The following XG variants were observed in gnomAD, a reference collection of about 807,000 sequenced individuals.
XG encodes glycoprotein Xg.
XG carries 24 observed loss-of-function variants against 25.7 expected under a neutral mutation model. The ratio of observed to expected loss-of-function variants is 0.93; its 90% CI spans 0.68 to 1.31. XG has a LOEUF of 1.31. Among genes scored for constraint, XG ranks in the 40% most tolerant of loss-of-function variants. The probability of loss-of-function intolerance (pLI) is 0.00; values close to 1 mark genes in which losing one functional copy is unlikely to be tolerated. For synonymous variants in XG, 77 were observed against 69.2 expected (o/e 1.11, Z -0.56); for missense variants, 181 against 187.6 (o/e 0.96, Z 0.21).
intron 5 of XG, among the ~76,000 whole-genome samples, chrX:2,793,094 G>C (rs1377195209): frequency 9.1e-6 from 1 of 109,609 alleles, no homozygotes; most frequent in African/African-American, 3.3e-5. Context: ...TAGAGACAGG[G>C]GGTCTCACTA....
In XG at chrX:2,782,098, C is replaced by G. The variant is rs145847321; in HGVS notation, c.160C>G (p.Pro54Ala). 2 of 1,211,834 alleles carry G rather than the reference C, an allele frequency of 1.7e-6. No homozygotes were observed. The highest frequency in any genetic ancestry group is 2.2e-6 in the Non-Finnish European group (2 of 895,415). The change falls in exon 4 of 11, where the codon CCA (proline) becomes GCA (alanine). Residue 54 changes from proline to alanine, a missense_variant. Coordinates refer to ENST00000644266, the MANE Select transcript of XG (RefSeq NM_001141919.2). The part of the protein sequence containing the change: ...IYPKPKPPYY[P>A]QPENPDSGGN... The stretch of plus-strand genomic sequence containing the variant: ...CCCAAAGCCAAAACCACCTTACTAC[C>G]CACAGCCCGAGAATCCCGACAGCGG...
At chrX:2,758,518 C>G in intron 1 of XG, among the ~76,000 whole-genome samples, 1 of 152,358 alleles carries the variant, frequency 6.6e-6, no homozygotes, top group Non-Finnish European at 1.5e-5. Context: ...CAGCTCTGTG[C>G]TCTCCAATTC....
intron 7 of XG, among the ~76,000 whole-genome samples, chrX:2,798,214 C>T (rs903530978): frequency 7.2e-5 from 8 of 111,193 alleles, no homozygotes; most frequent in East Asian, 2.8e-4. Flanking sequence ...AGATCCTCTC[C>T]GGTTTGGAAA....
At chrX:2,757,410 A>G (rs1289456888) in intron 1 of XG, among the ~76,000 whole-genome samples, 1 of 150,498 alleles carries the variant, frequency 6.6e-6, no homozygotes, top group East Asian at 2.0e-4. Flanking sequence ...TTGCTGGGGA[A>G]CTGCCCTCTT....
intron 1 of XG, among the ~76,000 whole-genome samples, chrX:2,767,287 G>A (rs1262924143): frequency 6.6e-6 from 1 of 152,066 alleles, no homozygotes; most frequent in African/African-American, 2.4e-5. Context: ...TTGCTCCGAA[G>A]GGTCCCGAGC....
At chrX:2,770,819 G>A (rs1428340629) in intron 2 of XG, among the ~76,000 whole-genome samples, 3 of 152,032 alleles carry the variant, frequency 2.0e-5, no homozygotes, top group African/African-American at 7.2e-5. Context: ...CTGTGGTTTA[G>A]GAATATGCTA....
At chrX:2,771,439 C>T (rs2050817515) in intron 2 of XG, among the ~76,000 whole-genome samples, 1 of 152,164 alleles carries the variant, frequency 6.6e-6, no homozygotes, top group South Asian at 2.1e-4. Flanking sequence ...GTGTTTTCAT[C>T]AGTCCAAGTT....
intron 7 of XG, among the ~76,000 whole-genome samples, chrX:2,801,822 C>T (rs1167249320): frequency 9.0e-6 from 1 of 111,325 alleles, no homozygotes; most frequent in Non-Finnish European, 1.9e-5. Context: ...CATTCTCCTG[C>T]CTCAGCCTCC....
In XG at chrX:2,754,555, T is replaced by C. The variant is rs770113278; in HGVS notation, c.61+2220T>C. ...GGGTTCTCTAGAGGGACAGAACTAA[T>C]GCAATAGAAATATATATAGAGAGAG... On this transcript the variant is annotated intron_variant, in intron 1 of 10. Coordinates refer to ENST00000644266, the MANE Select transcript of XG (RefSeq NM_001141919.2). 6.6e-5 allele frequency among the ~76,000 whole-genome samples: 10 copies of C among 152,238 alleles called. No homozygotes were observed. In the South Asian group the frequency reaches 1.9e-3, roughly 28 times the overall value.
intron 1 of XG, among the ~76,000 whole-genome samples, chrX:2,755,827 G>A (rs1429768863): frequency 9.9e-5 from 15 of 152,166 alleles, no homozygotes; most frequent in Admixed American, 1.3e-4. Context: ...CTGGAAATGG[G>A]GCACATTCCC....
chrX:2,813,950 A>G (rs1474611091), intron 10 of XG, among the ~76,000 whole-genome samples: 3 of 112,389 alleles, frequency 2.7e-5, no homozygotes, highest in Non-Finnish European at 3.8e-5. Context: ...AATATTTTCT[A>G]TTTTTAATTT....
chrX:2,785,195 GAGAC>G (rs2086772385), intron 4 of XG, among the ~76,000 whole-genome samples: 1 of 111,846 alleles, frequency 8.9e-6, no homozygotes, highest in South Asian at 3.8e-4. Context: ...ATTTACATGT[GAGAC>G]AGGGCAAAGG....
At chrX:2,802,323 T>G (rs2086951811) in intron 7 of XG, among the ~76,000 whole-genome samples, 1 of 110,530 alleles carries the variant, frequency 9.0e-6, no homozygotes, top group South Asian at 4.0e-4. Context: ...CCTGCCTAAT[T>G]TTTAAAAAAT....
chrX:2,759,296 G>A (rs1345386078), intron 1 of XG, among the ~76,000 whole-genome samples: 4 of 152,246 alleles, frequency 2.6e-5, no homozygotes, highest in Non-Finnish European at 4.4e-5. Context: ...TAGTGCTGTA[G>A]TGGAGAACCT....
chrX:2,811,498 T>TA (rs754614820), intron 10 of XG, 46 bp downstream of exon 10: 49 of 905,478 alleles, frequency 5.4e-5, no homozygotes, highest in East Asian at 3.5e-4. Context: ...TAAGCCTGAT[T>TA]TAAAAAAAAA....
intron 5 of XG, among the ~76,000 whole-genome samples, chrX:2,792,291 C>T (rs923503937): frequency 1.8e-5 from 2 of 110,822 alleles, no homozygotes; most frequent in African/African-American, 6.6e-5. Flanking sequence ...GACTCCATCT[C>T]AAAAACAGTA....
chrX:2,794,976 G>A (rs2086870173), intron 6 of XG, among the ~76,000 whole-genome samples: 1 of 111,166 alleles, frequency 9.0e-6, no homozygotes, highest in Non-Finnish European at 1.9e-5. Context: ...GTATATAGAT[G>A]TTTATGTATC....
At chrX:2,789,756 T>C (rs2147070518) in intron 5 of XG, 50 bp downstream of exon 5, 16 of 682,593 alleles carry the variant, frequency 2.3e-5, no homozygotes, top group African/African-American at 9.4e-5. Context: ...TTTATTTTAT[T>C]TTACTATTTT....
intron 7 of XG, among the ~76,000 whole-genome samples, chrX:2,805,399 A>G (rs749372949): frequency 2.0e-4 from 23 of 112,212 alleles, no homozygotes; most frequent in Non-Finnish European, 3.8e-5. Context: ...TCAAGGTGTG[A>G]GCAGGGCTGG....
Sources: allele counts gnomAD v4.1 joint callset (sites outside exome capture counted in the v4.1 genomes callset), GRCh38; gene constraint gnomAD v4.1.1; transcripts MANE v1.5; gene names NCBI Gene and HGNC (gene_info 2026-07-23, HGNC 2026-07-21).